The following TNFRSF21 variants were observed in gnomAD, a reference collection of about 807,000 sequenced individuals.
TNFRSF21 encodes TNF receptor superfamily member 21.
TNFRSF21 carries 19 observed loss-of-function variants against 45.6 expected under a neutral mutation model. The ratio of observed to expected loss-of-function variants is 0.42; its 90% CI spans 0.29 to 0.61. The LOEUF (loss-of-function observed/expected upper bound fraction) is 0.61, where lower values mean the gene tolerates loss of function less well. Ranked by LOEUF, TNFRSF21 falls within the 20% of genes least tolerant of loss-of-function variation. The pLI, the probability that TNFRSF21 is intolerant of heterozygous loss-of-function variation, is 0.23. For synonymous variants in TNFRSF21, 314 were observed against 335.5 expected, an observed-to-expected ratio of 0.94 and a Z score of 0.70; for missense variants, 737 against 851.5, an observed-to-expected ratio of 0.87 and a Z score of 1.67.
At chr6:47,255,215 G>T (rs557559551) in intron 3 of TNFRSF21, among the ~76,000 whole-genome samples, 1 of 152,324 alleles carries the variant, frequency 6.6e-6, no homozygotes, top group African/African-American at 2.4e-5. Flanking sequence ...TTGGTGAAAT[G>T]CAAAAATCAA....
chr6:47,260,066 C>T (rs1304674377), intron 3 of TNFRSF21, among the ~76,000 whole-genome samples: 1 of 152,150 alleles, frequency 6.6e-6, no homozygotes, highest in Non-Finnish European at 1.5e-5. Flanking sequence ...CAATTCGGCT[C>T]TGCTTCCCCT....
At chr6:47,271,345 G>A (rs1762415876) in intron 3 of TNFRSF21, among the ~76,000 whole-genome samples, 1 of 152,220 alleles carries the variant, frequency 6.6e-6, no homozygotes, top group African/African-American at 2.4e-5. Context: ...CCAGAAGAGA[G>A]TGGGGGACAA....
intron 2 of TNFRSF21, 82 bp downstream of exon 2, chr6:47,285,862 C>T (rs1762637825): frequency 2.1e-6 from 3 of 1,453,318 alleles, no homozygotes; most frequent in Admixed American, 2.1e-5. Flanking sequence ...ATGGAGAAAA[C>T]ATCTTTGGTA....
At chr6:47,235,043 G>T in intron 4 of TNFRSF21, 145 bp from the exon 5 acceptor site, 1 of 482,680 alleles carries the variant, frequency 2.1e-6, no homozygotes, top group Non-Finnish European at 3.5e-6. Context: ...TTATTTATAT[G>T]ATTGCTAGAC....
At chr6:47,305,209 G>A (rs774434763) in intron 1 of TNFRSF21, among the ~76,000 whole-genome samples, 1 of 152,108 alleles carries the variant, frequency 6.6e-6, no homozygotes, top group Non-Finnish European at 1.5e-5. Context: ...TATACCATAC[G>A]AATTGTACCT....
At chr6:47,244,879 G>A (rs944554491) in intron 4 of TNFRSF21, among the ~76,000 whole-genome samples, 3 of 152,174 alleles carry the variant, frequency 2.0e-5, no homozygotes, top group African/African-American at 7.2e-5. Context: ...TGACACTTGG[G>A]TTATAACAGA....
chr6:47,273,558 C>T (rs1561946107), intron 3 of TNFRSF21, among the ~76,000 whole-genome samples: 2 of 152,160 alleles, frequency 1.3e-5, no homozygotes, highest in Non-Finnish European at 2.9e-5. Flanking sequence ...CAACATCATA[C>T]TGAATGGGCA....
chr6:47,295,000 T>C (rs964241941), intron 1 of TNFRSF21, among the ~76,000 whole-genome samples: 4 of 152,254 alleles, frequency 2.6e-5, no homozygotes, highest in Non-Finnish European at 5.9e-5. Flanking sequence ...AATGGATAAA[T>C]GTGGCAAATA....
Position 47,232,643 on chromosome 6 carries a change from AC to A in TNFRSF21, c.*121del. The A allele has an allele frequency of 1.3e-6, 1 of 774,990 alleles. No homozygotes were observed. Among genetic ancestry groups the A allele is most frequent in the East Asian group, 2.5e-5 (1 of 39,742 alleles). The allele number at this position is 774,990 out of a possible 1,614,324, so 48.0% of individuals were successfully genotyped here. ...CTGTTAAACACACACACACACACAC[AC>A]ACACACACACACACAAACACACACA... On this transcript the variant is annotated 3_prime_UTR_variant, in exon 6 of 6. Transcript: ENST00000296861.
Position 47,286,415 on chromosome 6 carries a change from C to A in TNFRSF21, c.277G>T (p.Val93Leu). The A allele has an allele frequency of 6.2e-7, 1 of 1,614,220 alleles. No individual in the cohort carries two copies. The highest frequency in any genetic ancestry group is 8.5e-7 in the Non-Finnish European group (1 of 1,180,038). ...TSLRVCSSCP[V>L]GTFTRHENGI... ...TTCTCATGCCTGGTAAAGGTCCCCA[C>A]AGGGCAACTGCTGCAGACGCGCAGG... is the stretch of plus-strand genomic sequence containing the variant. The change falls in exon 2 of 6, where the codon GTG becomes TTG. Residue 93 changes from valine to leucine, a missense_variant. Coordinates refer to ENST00000296861, the MANE Select transcript of TNFRSF21 (RefSeq NM_014452.5).
intron 3 of TNFRSF21, among the ~76,000 whole-genome samples, chr6:47,254,628 C>A (rs190360231): frequency 2.0e-5 from 3 of 152,284 alleles, no homozygotes; most frequent in African/African-American, 7.2e-5. Context: ...TCCTTTATAT[C>A]AACTAACAGT....
intron 3 of TNFRSF21, among the ~76,000 whole-genome samples, chr6:47,279,710 A>G (rs1762541326): frequency 6.6e-6 from 1 of 152,218 alleles, no homozygotes; most frequent in Admixed American, 6.5e-5. Context: ...AAGCATGACA[A>G]ATTGAGTATT....
chr6:47,296,398 T>C (rs1762789245), intron 1 of TNFRSF21, among the ~76,000 whole-genome samples: 1 of 152,170 alleles, frequency 6.6e-6, no homozygotes, highest in Admixed American at 6.5e-5. Context: ...TTGGTCTCTG[T>C]CCCTGGTTTC....
chr6:47,275,688 C>A (rs1289872241), intron 3 of TNFRSF21, among the ~76,000 whole-genome samples: 1 of 152,080 alleles, frequency 6.6e-6, no homozygotes, highest in African/African-American at 2.4e-5. Context: ...TCACATTCTC[C>A]CTAAAAGCAC....
intron 4 of TNFRSF21, among the ~76,000 whole-genome samples, chr6:47,246,900 T>C (rs1176075562): frequency 6.6e-6 from 1 of 152,230 alleles, no homozygotes; most frequent in African/African-American, 2.4e-5. Context: ...TGAGTACTTC[T>C]TCACCCTGAT....
chr6:47,239,912 C>T (rs1479443629), intron 4 of TNFRSF21, among the ~76,000 whole-genome samples: 1 of 152,180 alleles, frequency 6.6e-6, no homozygotes, highest in Non-Finnish European at 1.5e-5. Context: ...ACCTGAACTA[C>T]CTGCTCAACG....
chr6:47,305,801 AT>A (rs1216267914), intron 1 of TNFRSF21, among the ~76,000 whole-genome samples: 2 of 152,156 alleles, frequency 1.3e-5, no homozygotes, highest in Admixed American at 6.5e-5. Flanking sequence ...ATCTTTACCA[AT>A]TATGGCTCCC....
chr6:47,277,174 G>T (rs945400277), intron 3 of TNFRSF21, among the ~76,000 whole-genome samples: 1 of 152,136 alleles, frequency 6.6e-6, no homozygotes, highest in African/African-American at 2.4e-5. Context: ...TATATTTTTA[G>T]TAGAGACAGA....
intron 1 of TNFRSF21, 70 bp downstream of exon 1, chr6:47,309,346 G>C: frequency 6.1e-6 from 9 of 1,479,302 alleles, no homozygotes; most frequent in South Asian, 2.6e-5. Context: ...CCGGTGACCC[G>C]CCCGGCTCCC....
Sources: allele counts gnomAD v4.1 joint callset (sites outside exome capture counted in the v4.1 genomes callset), GRCh38; gene constraint gnomAD v4.1.1; transcripts MANE v1.5; gene names NCBI Gene and HGNC (gene_info 2026-07-23, HGNC 2026-07-21).